Variants in CTNNBL1 observed in about 807,000 individuals in gnomAD.
The protein encoded by CTNNBL1 is catenin beta like 1.
In CTNNBL1, 31 loss-of-function variants were observed where a neutral mutation model predicts 72.7. The observed-to-expected ratio is 0.43, with a 90% confidence interval of 0.32 to 0.58. The LOEUF (loss-of-function observed/expected upper bound fraction) is 0.58. Ranked by LOEUF, CTNNBL1 falls within the 20% of genes least tolerant of loss-of-function variation. The pLI is 0.08. For synonymous variants in CTNNBL1, 240 were observed against 267.3 expected (o/e 0.90, Z 1.00); for missense variants, 534 against 725.1 (o/e 0.74, Z 3.03).
At chr20:37,749,003 G>GTA (rs2073293843) in intron 4 of CTNNBL1, among the ~76,000 whole-genome samples, 1 of 152,206 alleles carries the variant, frequency 6.6e-6, no homozygotes, top group African/African-American at 2.4e-5. Flanking sequence ...CTACAGAAGG[G>GTA]TAGATTTCAG....
At chr20:37,697,060 G>A (rs1332364645) in intron 1 of CTNNBL1, among the ~76,000 whole-genome samples, 4 of 151,928 alleles carry the variant, frequency 2.6e-5, no homozygotes, top group Admixed American at 2.0e-4. Context: ...GTGCATGCCT[G>A]TAATCCCAGC....
At chr20:37,697,199 G>A (rs1377183103) in intron 1 of CTNNBL1, among the ~76,000 whole-genome samples, 1 of 151,790 alleles carries the variant, frequency 6.6e-6, no homozygotes, top group African/African-American at 2.4e-5. Flanking sequence ...AAAAAAAAAA[G>A]AAAGAAAATG....
chr20:37,745,255 C>T (rs2073252636), intron 3 of CTNNBL1, among the ~76,000 whole-genome samples: 1 of 152,036 alleles, frequency 6.6e-6, no homozygotes, highest in South Asian at 2.1e-4. Flanking sequence ...CTGTATCTAC[C>T]CAGCCCCACA....
Position 37,768,068 on chromosome 20 carries a change from C to T in CTNNBL1, c.750+24C>T, listed in dbSNP as rs757677668. 8 of 1,576,100 alleles carry T rather than the reference C, an allele frequency of 5.1e-6. No individual in the cohort carries two copies. The South Asian group carries it at 7.8e-5, about 15-fold the overall frequency. On this transcript the variant is annotated intron_variant, in intron 7 of 15. Transcript: ENST00000361383. ...AGGTGAGTTTGGCTGTGGGGAACTG[C>T]AGCTCACACCTGTCTTTGCTCTGGG...
chr20:37,833,888 G>A (rs889674115), intron 11 of CTNNBL1, among the ~76,000 whole-genome samples: 3 of 152,068 alleles, frequency 2.0e-5, no homozygotes, highest in African/African-American at 7.3e-5. Context: ...AATGAAACTC[G>A]GTGTGTGTAT....
Position 37,714,996 on chromosome 20 carries a change from C to T in CTNNBL1, c.31-17883C>T, listed in dbSNP as rs147436048. Among the ~76,000 whole-genome samples, 285 of 152,294 alleles carry T rather than the reference C, an allele frequency of 1.9e-3. 2 individuals are homozygous for T. The highest frequency in any genetic ancestry group is 5.8e-3 in the African/African-American group (241 of 41,546). On this transcript the variant is annotated intron_variant, in intron 1 of 15. Transcript: ENST00000361383. ...CTCTTTTCACCGCACCTCACCCCCC[C>T]GTTCACGTGACTAGTTTAGCATCAA...
At chr20:37,824,939 C>T (rs964183371) in intron 11 of CTNNBL1, among the ~76,000 whole-genome samples, 1 of 152,150 alleles carries the variant, frequency 6.6e-6, no homozygotes, top group Admixed American at 6.6e-5. Flanking sequence ...CAGTTCAACC[C>T]GAATCTCTGA....
chr20:37,782,541 A>T (rs1382860227), intron 10 of CTNNBL1, among the ~76,000 whole-genome samples: 1 of 152,240 alleles, frequency 6.6e-6, no homozygotes, highest in African/African-American at 2.4e-5. Context: ...TCCAGTCGAA[A>T]TGTAATGTGA....
intron 15 of CTNNBL1, 29 bp from the exon 16 acceptor site, chr20:37,871,896 C>T (rs751314494): frequency 6.3e-7 from 1 of 1,590,438 alleles, no homozygotes; most frequent in East Asian, 2.2e-5. Context: ...GCCTGGGATC[C>T]ACTCCTGACT....
intron 11 of CTNNBL1, among the ~76,000 whole-genome samples, chr20:37,833,295 G>A (rs1279281443): frequency 2.6e-5 from 4 of 152,154 alleles, no homozygotes; most frequent in Non-Finnish European, 5.9e-5. Context: ...CTAACCCTTT[G>A]CTAATCATCC....
chr20:37,778,532 G>A (rs1230727963), intron 9 of CTNNBL1, among the ~76,000 whole-genome samples: 1 of 152,044 alleles, frequency 6.6e-6, no homozygotes, highest in Non-Finnish European at 1.5e-5. Context: ...AGACTGTATG[G>A]GTATGCATAT....
chr20:37,850,268 T>C (rs899687950), intron 13 of CTNNBL1, among the ~76,000 whole-genome samples: 13 of 152,144 alleles, frequency 8.5e-5, no homozygotes, highest in African/African-American at 2.9e-4. Flanking sequence ...TGCATCACAC[T>C]TGTGATGGCA....
At chr20:37,771,732 C>T (rs1420527788) in intron 7 of CTNNBL1, among the ~76,000 whole-genome samples, 1 of 152,154 alleles carries the variant, frequency 6.6e-6, no homozygotes, top group Non-Finnish European at 1.5e-5. Context: ...GCTTAAATCC[C>T]TAATCTTCTG....
intron 10 of CTNNBL1, among the ~76,000 whole-genome samples, chr20:37,786,450 C>T (rs560310239): frequency 6.6e-6 from 1 of 152,260 alleles, no homozygotes; most frequent in Non-Finnish European, 1.5e-5. Context: ...TACTCTATTG[C>T]GACTGAGCTG....
At chr20:37,713,140 C>A (rs1009814142) in intron 1 of CTNNBL1, among the ~76,000 whole-genome samples, 1 of 152,106 alleles carries the variant, frequency 6.6e-6, no homozygotes, top group Non-Finnish European at 1.5e-5. Context: ...CTGAAGATTT[C>A]TTTTTCCATT....
At chr20:37,768,122 A>G in intron 7 of CTNNBL1, 78 bp downstream of exon 7, 1 of 1,185,380 alleles carries the variant, frequency 8.4e-7, no homozygotes. Context: ...ATTGGCATAG[A>G]CTGTTATGCT....
intron 11 of CTNNBL1, among the ~76,000 whole-genome samples, chr20:37,821,862 A>T (rs1007916056): frequency 2.6e-5 from 4 of 152,066 alleles, no homozygotes; most frequent in African/African-American, 7.2e-5. Context: ...GCCAGTAGCA[A>T]CCCCCAGTCA....
chr20:37,785,884 G>C (rs1421101839), intron 10 of CTNNBL1, among the ~76,000 whole-genome samples: 1 of 152,086 alleles, frequency 6.6e-6, no homozygotes, highest in Non-Finnish European at 1.5e-5. Flanking sequence ...CATCCTTCTT[G>C]GGAAGGCTTT....
intron 7 of CTNNBL1, among the ~76,000 whole-genome samples, chr20:37,773,524 G>A (rs955303771): frequency 3.3e-5 from 5 of 152,152 alleles, no homozygotes; most frequent in African/African-American, 9.7e-5. Context: ...TCCAAGTCCC[G>A]CTGATTAACT....
Sources: gnomAD v4.1 joint callset for allele counts (sites outside exome capture counted in the v4.1 genomes callset) on GRCh38, gnomAD v4.1.1 for gene constraint, MANE v1.5 for transcripts, NCBI Gene and HGNC (gene_info 2026-07-23, HGNC 2026-07-21) for gene names.